The following SRPK2 variants were observed in gnomAD, a reference collection of about 807,000 sequenced individuals.
SRPK2 encodes SRSF protein kinase 2.
In SRPK2, 21 loss-of-function variants were observed where a neutral mutation model predicts 90.8. The observed-to-expected ratio is 0.23, with a 90% CI of 0.16 to 0.33. The LOEUF is 0.33. Among genes scored for constraint, SRPK2 ranks in the 10% least tolerant of loss-of-function variants. The pLI is 1.00. For synonymous variants in SRPK2, 288 were observed against 311.1 expected (o/e 0.93, Z 0.78); for missense variants, 620 against 869.0 (o/e 0.71, Z 3.60).
intron 15 of SRPK2, among the ~76,000 whole-genome samples, chr7:105,121,773 GAAACAGGGAAGTTCTATTATA>G (rs1800416628): frequency 6.6e-6 from 1 of 152,222 alleles, no homozygotes; most frequent in African/African-American, 2.4e-5. Flanking sequence ...TCCTTCTAAG[GAAACAGGGAAGTTCTATTATA>G]CTTCTCTTGA....
intron 2 of SRPK2, among the ~76,000 whole-genome samples, chr7:105,281,730 A>C (rs920645475): frequency 4.6e-5 from 7 of 152,184 alleles, no homozygotes; most frequent in African/African-American, 1.7e-4. Context: ...AAAAAGAATA[A>C]AATATTTACA....
At chr7:105,304,722 T>C (rs1471557259) in intron 2 of SRPK2, among the ~76,000 whole-genome samples, 1 of 152,226 alleles carries the variant, frequency 6.6e-6, no homozygotes, top group African/African-American at 2.4e-5. Context: ...AACAAAATAT[T>C]TGGTCCACCT....
chr7:105,176,373 T>C (rs1197898515), intron 3 of SRPK2, among the ~76,000 whole-genome samples: 1 of 152,166 alleles, frequency 6.6e-6, no homozygotes, highest in Non-Finnish European at 1.5e-5. Flanking sequence ...ACCAAATGCT[T>C]TCCCCCTAAT....
At chr7:105,211,378 T>C (rs1404509471) in intron 2 of SRPK2, among the ~76,000 whole-genome samples, 1 of 151,996 alleles carries the variant, frequency 6.6e-6, no homozygotes, top group Non-Finnish European at 1.5e-5. Flanking sequence ...TATAAGGAAA[T>C]ACCTGAGACT....
At chr7:105,244,664 T>C (rs1467858668) in intron 2 of SRPK2, 1 of 989,334 alleles carries the variant, frequency 1.0e-6, no homozygotes, top group East Asian at 2.6e-5. Flanking sequence ...GGCTCTGCGC[T>C]ACCCTATGGC....
chr7:105,257,231 T>C (rs1803451357), intron 2 of SRPK2, among the ~76,000 whole-genome samples: 1 of 152,202 alleles, frequency 6.6e-6, no homozygotes, highest in Non-Finnish European at 1.5e-5. Flanking sequence ...CTAAAATTAG[T>C]CTTAATTTCT....
intron 2 of SRPK2, among the ~76,000 whole-genome samples, chr7:105,307,060 C>A (rs1296744466): frequency 2.0e-5 from 3 of 152,100 alleles, no homozygotes; most frequent in Non-Finnish European, 2.9e-5. Flanking sequence ...AAAGGCAGCT[C>A]AAAAGGAAGA....
chr7:105,377,003 T>C (rs1000788847), intron 2 of SRPK2, among the ~76,000 whole-genome samples: 4 of 151,892 alleles, frequency 2.6e-5, no homozygotes, highest in Non-Finnish European at 5.9e-5. Flanking sequence ...AGCTGCAAGG[T>C]TGCTTTTATT....
chr7:105,166,414 G>T (rs982150241), intron 6 of SRPK2, among the ~76,000 whole-genome samples: 1 of 152,130 alleles, frequency 6.6e-6, no homozygotes, highest in South Asian at 2.1e-4. Flanking sequence ...TGAGTTTTAA[G>T]GTTATGTTTA....
At chr7:105,142,611 C>T in intron 10 of SRPK2, 121 bp from the exon 11 acceptor site, 1 of 1,351,482 alleles carries the variant, frequency 7.4e-7, no homozygotes, top group Non-Finnish European at 9.9e-7. Flanking sequence ...CTGGTAAACA[C>T]CTCTTGGCTT....
At chr7:105,199,780 A>G (rs921569556) in intron 3 of SRPK2, among the ~76,000 whole-genome samples, 1 of 152,144 alleles carries the variant, frequency 6.6e-6, no homozygotes, top group African/African-American at 2.4e-5. Context: ...AACATAAAGG[A>G]AGCAGGTGCA....
intron 2 of SRPK2, among the ~76,000 whole-genome samples, chr7:105,386,869 C>A (rs1445779080): frequency 6.6e-6 from 1 of 152,182 alleles, no homozygotes; most frequent in Admixed American, 6.6e-5. Flanking sequence ...TTTTCCCCCT[C>A]AAATTCTATC....
intron 3 of SRPK2, among the ~76,000 whole-genome samples, chr7:105,183,726 A>C (rs1793196161): frequency 6.6e-6 from 1 of 152,016 alleles, no homozygotes; most frequent in Non-Finnish European, 1.5e-5. Context: ...CTGACCTCAA[A>C]TGATCTGCCC....
intron 3 of SRPK2, among the ~76,000 whole-genome samples, chr7:105,182,413 G>A (rs1253287068): frequency 6.6e-6 from 1 of 150,562 alleles, no homozygotes; most frequent in Non-Finnish European, 1.5e-5. Context: ...GAAGAGCCTT[G>A]AGATTTGTGC....
At position 105,344,407 on chromosome 7, in the gene SRPK2, CTTTTTTTTT is replaced by C. The variant is rs1178845367; in HGVS notation, c.71+44232_71+44240del. Among the ~76,000 whole-genome samples, 7 of 58,506 alleles carry C rather than the reference CTTTTTTTTT, an allele frequency of 1.2e-4. No homozygotes were observed. In the South Asian group the frequency reaches 6.3e-3, roughly 52 times the overall value. 38.4% of individuals were successfully genotyped at this position (58,506 alleles called of 152,430 possible). On this transcript the variant is annotated intron_variant, in intron 2 of 15. Transcript: ENST00000393651. ...GGACCCCAGGTGTATGCAGCCACAC[CTTTTTTTTT>C]TTTTTTTTTTTTTTTTTGGTAGAGA...
chr7:105,379,126 C>T (rs1820640560), intron 2 of SRPK2, among the ~76,000 whole-genome samples: 1 of 150,768 alleles, frequency 6.6e-6, no homozygotes, highest in African/African-American at 2.4e-5. Flanking sequence ...CACTGTCAGC[C>T]AACAAAGCAA....
intron 2 of SRPK2, among the ~76,000 whole-genome samples, chr7:105,368,750 T>C (rs1819364561): frequency 1.3e-5 from 2 of 152,036 alleles, no homozygotes; most frequent in Non-Finnish European, 2.9e-5. Flanking sequence ...CCAGGCATGG[T>C]GGCGCATGCC....
At chr7:105,158,030 A>C (rs913223102) in intron 7 of SRPK2, among the ~76,000 whole-genome samples, 1 of 152,102 alleles carries the variant, frequency 6.6e-6, no homozygotes, top group South Asian at 2.1e-4. Context: ...TGACCAGTGC[A>C]CTCCAGCCTG....
At chr7:105,120,854 G>C (rs546752763) in intron 15 of SRPK2, among the ~76,000 whole-genome samples, 4 of 152,262 alleles carry the variant, frequency 2.6e-5, no homozygotes, top group Non-Finnish European at 4.4e-5. Context: ...CTATTGCTAG[G>C]AGACACAACA....
Sources: gnomAD v4.1 joint callset for allele counts (sites outside exome capture counted in the v4.1 genomes callset) on GRCh38, gnomAD v4.1.1 for gene constraint, MANE v1.5 for transcripts, NCBI Gene and HGNC (gene_info 2026-07-23, HGNC 2026-07-21) for gene names.